Variants in XAGE2 observed in about 807,000 individuals in gnomAD.
The protein encoded by XAGE2 is X antigen family member 2, also known as G antigen family D member 3.
In XAGE2, 7 loss-of-function variants were observed where a neutral mutation model predicts 9.9. That is an observed-to-expected ratio of 0.71 (90% CI 0.40 to 1.32). XAGE2 has a LOEUF of 1.32. Among genes scored for constraint, XAGE2 ranks in the 40% most tolerant of loss-of-function variants. XAGE2 has a pLI of 0.01. For missense variants in XAGE2, 85 were observed against 81.0 expected (o/e 1.05, Z -0.19); for synonymous variants, 31 against 26.8 (o/e 1.16, Z -0.48).
intron 1 of XAGE2, among the ~76,000 whole-genome samples, chrX:52,369,448 G>C (rs1243634158): frequency 2.7e-5 from 3 of 110,684 alleles, no homozygotes; most frequent in African/African-American, 9.9e-5. Flanking sequence ...CCCAGGAATG[G>C]GCTGTGTAAG....
At chrX:52,375,275 C>G (rs1480654329) in intron 4 of XAGE2, among the ~76,000 whole-genome samples, 2 of 111,422 alleles carry the variant, frequency 1.8e-5, no homozygotes, top group African/African-American at 6.5e-5. Flanking sequence ...TACATTAAAT[C>G]CCTTTTTAAG....
intron 4 of XAGE2, among the ~76,000 whole-genome samples, chrX:52,374,925 G>A (rs1418335479): frequency 9.0e-6 from 1 of 111,380 alleles, no homozygotes; most frequent in Non-Finnish European, 1.9e-5. Context: ...TTAACATCAG[G>A]ACTATAGGTG....
intron 4 of XAGE2, 57 bp from the exon 5 acceptor site, chrX:52,375,512 A>G: frequency 8.6e-7 from 1 of 1,162,753 alleles, no homozygotes; most frequent in Non-Finnish European, 1.2e-6. Context: ...GCATATCTTA[A>G]TGTGATCTAA....
chrX:52,372,550 A>G lies in XAGE2; in HGVS notation c.194A>G (p.Asp65Gly). ...DQGAAEIQVP[D>G]LEADLQELCQ... The stretch of plus-strand genomic sequence containing the variant: ...TAACCTTTGTATTTTTTAGTGCCTG[A>G]CCTGGAAGCCGATCTCCAGGAGCTA... The change falls in exon 4 of 5, where the codon GAC (aspartate) becomes GGC (glycine). Residue 65 changes from aspartate (D) to glycine (G), a missense_variant. Coordinates refer to ENST00000286049, the MANE Select transcript of XAGE2 (RefSeq NM_130777.3). 8.3e-7 allele frequency: 1 copy of G among 1,210,763 alleles called. No homozygotes were observed. The highest frequency in any genetic ancestry group is 1.1e-6 in the Non-Finnish European group (1 of 895,054).
In XAGE2 at chrX:52,372,626, G is replaced by A; in HGVS notation, c.270G>A (p.Gly90=). Residue 90 remains glycine (G), a synonymous_variant, in exon 4 of 5, where the codon GGG becomes GGA. Coordinates refer to ENST00000286049, the MANE Select transcript of XAGE2 (RefSeq NM_130777.3). ...DGCEGGTDVK[G]KILPKAEHFK... is the part of the protein sequence containing the mutation. ...GTGAAGGTGGTACTGATGTCAAGGGGAAGATTCTACCAAAAGCAGAGCACT... is the reference window on the plus strand; with the variant it reads ...GTGAAGGTGGTACTGATGTCAAGGGAAAGATTCTACCAAAAGCAGAGCACT... 3.3e-6 allele frequency: 4 copies of A among 1,211,471 alleles called. No individual in the cohort carries two copies. The highest frequency in any genetic ancestry group is 4.5e-6 in the Non-Finnish European group (4 of 895,235).
At chrX:52,372,754 G>A (rs1214557459) in intron 4 of XAGE2, 85 bp downstream of exon 4, 7 of 1,103,948 alleles carry the variant, frequency 6.3e-6, no homozygotes, top group Middle Eastern at 5.0e-4. Flanking sequence ...TAATATTACT[G>A]CCACTTTAAT....
rs1231261216 is a variant in XAGE2, at chrX:52,375,645, A to T, written c.*54A>T. 9.7e-7 allele frequency: 1 copy of T among 1,029,827 alleles called. No individual in the cohort carries two copies. Among genetic ancestry groups the T allele is most frequent in the African/African-American group, 1.9e-5 (1 of 53,156 alleles). 84.9% of individuals were successfully genotyped at this position (1,029,827 alleles called of 1,213,427 possible). A position where few individuals can be genotyped will look rare whatever the true frequency, so the allele number is the denominator to read the frequency against. On this transcript the variant is annotated 3_prime_UTR_variant, in exon 5 of 5. Transcript: ENST00000286049. ...GTTTTTATATTAGATATTTTACTTT[A>T]AAATATCTTAATAAAGTTTTAAGCT...
At position 52,372,768 on chromosome X, in the gene XAGE2, A is replaced by G. The variant is rs961878934; in HGVS notation, c.313+99A>G. ...ATAATATTACTGCCACTTTAATAAC[A>G]GTGTTCAAATACACACTTTCTTTGA... On this transcript the variant is annotated intron_variant, in intron 4 of 4. Coordinates refer to ENST00000286049, the MANE Select transcript of XAGE2 (RefSeq NM_130777.3). 2,478 of 1,061,455 alleles carry G rather than the reference A, an allele frequency of 2.3e-3. 3 individuals are homozygous for G. Among genetic ancestry groups the G allele is most frequent in the Non-Finnish European group, 2.9e-3 (2,238 of 770,432 alleles). 87.5% of individuals were successfully genotyped at this position (1,061,455 alleles called of 1,213,427 possible).
chrX:52,370,733 C>A, intron 3 of XAGE2, 61 bp downstream of exon 3: 1 of 1,033,363 alleles, frequency 9.7e-7, no homozygotes, highest in South Asian at 2.0e-5. Flanking sequence ...GTCCATCATG[C>A]CTTATGCCAT....
intron 2 of XAGE2, among the ~76,000 whole-genome samples, 171 bp from the exon 3 acceptor site, chrX:52,370,396 C>A (rs1008850139): frequency 8.9e-6 from 1 of 112,373 alleles, no homozygotes; most frequent in African/African-American, 3.2e-5. Context: ...AGTAACCTCT[C>A]TTTGGGAAGA....
intron 1 of XAGE2, among the ~76,000 whole-genome samples, chrX:52,369,460 G>A (rs1193685593): frequency 9.0e-6 from 1 of 110,639 alleles, no homozygotes; most frequent in African/African-American, 3.3e-5. Flanking sequence ...CTGTGTAAGC[G>A]GTAAGAAAGG....
chrX:52,372,456 T>G (rs961935685), intron 3 of XAGE2, 88 bp from the exon 4 acceptor site: 34 of 1,127,780 alleles, frequency 3.0e-5, no homozygotes, highest in Non-Finnish European at 3.6e-5. Context: ...GGCTTTTATG[T>G]CATAACTCTG....
chrX:52,370,568 A>T lies in XAGE2; in HGVS notation c.83A>T (p.Glu28Val). The T allele has an allele frequency of 8.3e-7, 1 of 1,210,674 alleles. No homozygotes were observed. Among genetic ancestry groups the T allele is most frequent in the Non-Finnish European group, 1.1e-6 (1 of 894,348 alleles). ...QPPELIGAML[E>V]PTDEEPKEEK... The stretch of plus-strand genomic sequence containing the variant: ...CATACTGCCTCCCCTTTGTCCCAGG[A>T]ACCCACTGATGAAGAGCCTAAAGAA... Residue 28 changes from glutamate (E) to valine (V), a missense_variant and splice_region_variant, in exon 3 of 5, where the codon GAA becomes GTA. Coordinates refer to ENST00000286049, the MANE Select transcript of XAGE2 (RefSeq NM_130777.3).
intron 4 of XAGE2, among the ~76,000 whole-genome samples, chrX:52,373,359 C>G (rs1454256379): frequency 5.4e-5 from 6 of 111,852 alleles, no homozygotes; most frequent in African/African-American, 1.9e-4. Flanking sequence ...TCTGAATTAT[C>G]TGGCTTTTAA....
intron 3 of XAGE2, 79 bp downstream of exon 3, chrX:52,370,751 A>T (rs1286074775): frequency 4.3e-6 from 4 of 926,546 alleles, no homozygotes; most frequent in East Asian, 3.1e-5. Flanking sequence ...CATGACCAGT[A>T]ATAGGAGGAA....
chrX:52,372,632 T>A lies in XAGE2; in HGVS notation c.276T>A (p.Ile92=). 9 of 1,211,547 alleles carry A rather than the reference T, an allele frequency of 7.4e-6. No individual in the cohort carries two copies. Among genetic ancestry groups the A allele is most frequent in the Non-Finnish European group, 8.9e-6 (8 of 895,274 alleles). The stretch of plus-strand genomic sequence containing the variant: ...GTGGTACTGATGTCAAGGGGAAGAT[T>A]CTACCAAAAGCAGAGCACTTTAAAA... ...CEGGTDVKGK[I]LPKAEHFKMP... is the part of the protein sequence containing the mutation. Residue 92 remains isoleucine, a synonymous_variant, in exon 4 of 5, where the codon ATT becomes ATA. Coordinates refer to ENST00000286049, the MANE Select transcript of XAGE2 (RefSeq NM_130777.3).
chrX:52,370,758 G>A (rs1052930049), intron 3 of XAGE2, 86 bp downstream of exon 3: 7 of 915,603 alleles, frequency 7.6e-6, no homozygotes, highest in Non-Finnish European at 1.1e-5. Context: ...AGTAATAGGA[G>A]GAAAGAAAAC....
intron 4 of XAGE2, among the ~76,000 whole-genome samples, chrX:52,374,100 T>C (rs2146415689): frequency 8.9e-6 from 1 of 112,391 alleles, no homozygotes; most frequent in East Asian, 2.8e-4. Flanking sequence ...ACATTGTTTA[T>C]TTTAAAAATA....
chrX:52,370,630 G>C lies in XAGE2; in HGVS notation c.145G>C (p.Asp49His), dbSNP rs1410024753. ...PPTKSRNPTPDQKREDDQGAA... is the reference protein window; with the variant it reads ...PPTKSRNPTPHQKREDDQGAA... ...CACTAAAAGTCGGAATCCTACACCT[G>C]ATCAGAAGAGAGAAGATGATCAGGG... is the stretch of plus-strand genomic sequence containing the variant. The change falls in exon 3 of 5, where the codon GAT becomes CAT. Residue 49 changes from aspartate (D) to histidine (H), a missense_variant. Coordinates refer to ENST00000286049, the MANE Select transcript of XAGE2 (RefSeq NM_130777.3). The C allele has an allele frequency of 8.3e-7, 1 of 1,211,436 alleles. No individual in the cohort carries two copies. Among genetic ancestry groups the C allele is most frequent in the Non-Finnish European group, 1.1e-6 (1 of 895,373 alleles).
Sources: gnomAD v4.1 joint callset for allele counts (sites outside exome capture counted in the v4.1 genomes callset) on GRCh38, gnomAD v4.1.1 for gene constraint, MANE v1.5 for transcripts, NCBI Gene and HGNC (gene_info 2026-07-23, HGNC 2026-07-21) for gene names.